The following TACC1 variants were observed in gnomAD, a reference collection of about 807,000 sequenced individuals.
The protein encoded by TACC1 is transforming acidic coiled-coil-containing protein 1.
A neutral mutation model predicts 84.4 loss-of-function variants in TACC1; 48 were observed. The ratio of observed to expected loss-of-function variants is 0.57; its 90% CI spans 0.45 to 0.72. The LOEUF is 0.72. Among genes scored for constraint, TACC1 ranks in the 30% least tolerant of loss-of-function variants. TACC1 has a pLI of 0.00. For missense variants in TACC1, 920 were observed against 973.0 expected, an observed-to-expected ratio of 0.95 and a Z score of 0.72; for synonymous variants, 372 against 376.3, an observed-to-expected ratio of 0.99 and a Z score of 0.13.
chr8:38,734,179 T>C (rs1179194060), intron 1 of TACC1, among the ~76,000 whole-genome samples: 2 of 152,136 alleles, frequency 1.3e-5, no homozygotes, highest in East Asian at 1.9e-4. Context: ...CCTTCTTCTT[T>C]AGTTTCAGCC....
Position 38,852,213 on chromosome 8 carries a change from G to T in TACC1, c.*4190G>T. 1 of 284,624 alleles carries T rather than the reference G, an allele frequency of 3.5e-6. No homozygotes were observed. The allele number at this position is 284,624 out of a possible 1,614,324, so 17.6% of individuals were successfully genotyped here. ...CATGCAGTTAGATTTGGACAAACAA[G>T]ATTCCTAAGGAATGACTTTATTAAC... is the stretch of plus-strand genomic sequence containing the variant. On this transcript the variant is annotated 3_prime_UTR_variant, in exon 13 of 13. Transcript: ENST00000317827.
At position 38,757,641 on chromosome 8, in the gene TACC1, T is replaced by A. The variant is rs140697266; in HGVS notation, c.26+12148T>A. ...ACCGCGACCGGATCGCGTCCGGGCG[T>A]GACCGTGGTCCTGCCCCAGTACACG... is the stretch of plus-strand genomic sequence containing the variant. On this transcript the variant is annotated intron_variant, in intron 3 of 14. Transcript: ENST00000518415. 3.5e-3 allele frequency among the ~76,000 whole-genome samples: 531 copies of A among 151,988 alleles called. 2 individuals are homozygous for A. The highest frequency in any genetic ancestry group is 6.8e-3 in the Middle Eastern group (2 of 292).
intron 3 of TACC1, among the ~76,000 whole-genome samples, chr8:38,763,358 T>C (rs1364577455): frequency 6.6e-6 from 1 of 152,106 alleles, no homozygotes; most frequent in Non-Finnish European, 1.5e-5. Flanking sequence ...TCTTGCTATA[T>C]TGCCCAGGAT....
Position 38,772,563 on chromosome 8 carries a change from CAG to C in TACC1, c.27-16136_27-16135del, listed in dbSNP as rs1161783955. On this transcript the variant is annotated intron_variant, in intron 3 of 14. Transcript: ENST00000518415. ...GAGAAGGAGGCACATGTGGGTTCTG[CAG>C]AGAGGCAGATCCCAATGAGGGGTCA... 2.0e-5 allele frequency among the ~76,000 whole-genome samples: 3 copies of C among 152,152 alleles called. No individual in the cohort carries two copies. In the East Asian group the frequency reaches 5.8e-4, roughly 29 times the overall value.
exon 3 of TACC1, chr8:38,745,033 A>C (rs1807802426): frequency 6.5e-6 from 1 of 154,570 alleles, no homozygotes; most frequent in Non-Finnish European, 1.4e-5. Flanking sequence ...CAAGTCCTTC[A>C]GCCCCAGGCT....
intron 1 of TACC1, among the ~76,000 whole-genome samples, chr8:38,736,365 A>C (rs919066127): frequency 6.6e-6 from 1 of 152,214 alleles, no homozygotes; most frequent in African/African-American, 2.4e-5. Context: ...CTATAATCCC[A>C]GTGCTTTGGG....
chr8:38,755,765 C>T (rs555825048), intron 3 of TACC1, among the ~76,000 whole-genome samples: 4 of 148,956 alleles, frequency 2.7e-5, no homozygotes, highest in Middle Eastern at 3.4e-3. Flanking sequence ...AGTGTTCCTG[C>T]CTTTAAAGAA....
Position 38,791,011 on chromosome 8 carries a change from T to G in TACC1, c.277+2192T>G, listed in dbSNP as rs1818520381. Among the ~76,000 whole-genome samples the G allele has an allele frequency of 2.0e-5, 3 of 152,234 alleles. No homozygotes were observed. In the South Asian group the frequency reaches 6.2e-4, roughly 31 times the overall value. On this transcript the variant is annotated intron_variant, in intron 2 of 12. Coordinates refer to ENST00000317827, the MANE Select transcript of TACC1 (RefSeq NM_006283.3). ...GGGAGATTTTGAAGCTTGAAAGAAC[T>G]ATTTGGTGGCCTTTCCATCAAATTT...
At chr8:38,736,363 C>G (rs1348001579) in intron 1 of TACC1, among the ~76,000 whole-genome samples, 1 of 152,136 alleles carries the variant, frequency 6.6e-6, no homozygotes, top group African/African-American at 2.4e-5. Flanking sequence ...GCCTATAATC[C>G]CAGTGCTTTG....
At chr8:38,763,566 A>G (rs939281996) in intron 3 of TACC1, among the ~76,000 whole-genome samples, 1 of 152,190 alleles carries the variant, frequency 6.6e-6, no homozygotes, top group Non-Finnish European at 1.5e-5. Context: ...CAATATCACA[A>G]TTGTAAAGAA....
chr8:38,821,458 GAAAC>G (rs1487887992), intron 3 of TACC1, among the ~76,000 whole-genome samples: 1 of 152,168 alleles, frequency 6.6e-6, no homozygotes, highest in Admixed American at 6.5e-5. Flanking sequence ...ATTTTTGTGG[GAAAC>G]AAACCTACCA....
At chr8:38,821,958 C>T (rs1203359088) in intron 3 of TACC1, among the ~76,000 whole-genome samples, 4 of 152,140 alleles carry the variant, frequency 2.6e-5, no homozygotes, top group Non-Finnish European at 4.4e-5. Flanking sequence ...TGGTGGCTTA[C>T]ACCTGTAATC....
chr8:38,820,311 A>G lies in TACC1; in HGVS notation c.1067A>G (p.Asp356Gly), dbSNP rs780704154. 7.4e-6 allele frequency: 12 copies of G among 1,614,198 alleles called. No individual in the cohort carries two copies. Among genetic ancestry groups the G allele is most frequent in the Non-Finnish European group, 1.0e-5 (12 of 1,180,042 alleles). Residue 356 changes from aspartate (D) to glycine (G), a missense_variant, in exon 3 of 13, where the codon GAT (aspartate) becomes GGT (glycine). Coordinates refer to ENST00000317827, the MANE Select transcript of TACC1 (RefSeq NM_006283.3). ...ACACTGACTCCCAAGATACAAAAAG[A>G]TGGCATCAGTAAGTCAGCAGGTTTA... ...GSTLTPKIQK[D>G]GISKSAGLEQ...
At position 38,843,352 on chromosome 8, in the gene TACC1, C is replaced by T. The variant is rs1244931753; in HGVS notation, c.2185C>T (p.Arg729Ter). 5 of 1,608,560 alleles carry T rather than the reference C, an allele frequency of 3.1e-6. No homozygotes were observed. The highest frequency in any genetic ancestry group is 3.4e-5 in the Admixed American group (2 of 59,288). The change falls in exon 11 of 13, where the codon CGA becomes TGA. Residue 729 changes from arginine to a stop codon, truncating the protein, a stop_gained. Coordinates refer to ENST00000317827, the MANE Select transcript of TACC1 (RefSeq NM_006283.3). LOFTEE classifies it high-confidence loss of function. ...AGCCAGAGTTAAACAAGAGGAGCAG[C>T]GATACCAGGCCCTGAAAATCCACGC... ...YLARVKQEEQRYQALKIHAEE... is the reference protein window; with the variant it reads ...YLARVKQEEQ
chr8:38,765,007 G>A (rs1587410578), intron 3 of TACC1, among the ~76,000 whole-genome samples: 1 of 151,854 alleles, frequency 6.6e-6, no homozygotes, highest in Non-Finnish European at 1.5e-5. Context: ...GCTGAGGCAG[G>A]ATAATCGCTT....
chr8:38,807,311 G>T (rs757158355), intron 2 of TACC1, among the ~76,000 whole-genome samples: 5 of 152,148 alleles, frequency 3.3e-5, no homozygotes, highest in Non-Finnish European at 5.9e-5. Context: ...AAGCCACTTG[G>T]ATATGAGATA....
intron 2 of TACC1, among the ~76,000 whole-genome samples, chr8:38,792,505 G>T (rs547843518): frequency 6.6e-6 from 1 of 152,004 alleles, no homozygotes; most frequent in African/African-American, 2.4e-5. Context: ...TCGCTCTGTT[G>T]CCCTGGCTGA....
rs74576327 is a variant in TACC1 at position 38,801,776 on chromosome 8, T to A, written c.277+12957T>A. Among the ~76,000 whole-genome samples, 711 of 152,368 alleles carry A rather than the reference T, an allele frequency of 4.7e-3. 4 individuals carry two copies. Among genetic ancestry groups the A allele is most frequent in the African/African-American group, 0.016 (682 of 41,592 alleles). ...AAAGAAGGCAGCTGGGATTTTGATATGGATTGTATTCAATCTGTAAATAAA... is the reference window on the plus strand; with the variant it reads ...AAAGAAGGCAGCTGGGATTTTGATAAGGATTGTATTCAATCTGTAAATAAA... On this transcript the variant is annotated intron_variant, in intron 2 of 12. Transcript: ENST00000317827.
At chr8:38,810,547 T>C (rs1823842804) in intron 2 of TACC1, among the ~76,000 whole-genome samples, 1 of 152,148 alleles carries the variant, frequency 6.6e-6, no homozygotes, top group African/African-American at 2.4e-5. Context: ...GAGGCTGCAG[T>C]GACCTACGAG....
Sources: gnomAD v4.1 joint callset for allele counts (sites outside exome capture counted in the v4.1 genomes callset) on GRCh38, gnomAD v4.1.1 for gene constraint, MANE v1.5 for transcripts, NCBI Gene and HGNC (gene_info 2026-07-23, HGNC 2026-07-21) for gene names.